AHNAK: variants seen among roughly 807,000 people sequenced by gnomAD.
AHNAK encodes the protein neuroblast differentiation-associated protein AHNAK.
AHNAK carries 23 observed loss-of-function variants against 37.8 expected under a neutral mutation model. The observed-to-expected ratio is 0.61, with a 90% CI of 0.44 to 0.86. AHNAK has a LOEUF of 0.86. Among genes scored for constraint, AHNAK ranks in the 40% least tolerant of loss-of-function variants. The probability of loss-of-function intolerance (pLI) is 0.00; values close to 1 mark genes in which losing one functional copy is unlikely to be tolerated. For synonymous variants in AHNAK, 2,481 were observed against 2,636.3 expected (o/e 0.94, Z 1.80); for missense variants, 7,411 against 7,319.4 (o/e 1.01, Z -0.46).
At chr11:62,451,509 G>A (rs1050468256) in intron 5 of AHNAK, among the ~76,000 whole-genome samples, 1 of 151,964 alleles carries the variant, frequency 6.6e-6, no homozygotes, top group Non-Finnish European at 1.5e-5. Context: ...AGGCCAAGGC[G>A]GGCAGATAAC....
chr11:62,486,604 T>C (rs1015160482), intron 5 of AHNAK, among the ~76,000 whole-genome samples: 3 of 152,106 alleles, frequency 2.0e-5, no homozygotes, highest in Non-Finnish European at 4.4e-5. Context: ...TAGTGTTGAA[T>C]GGCTACAGCG....
chr11:62,525,804 G>C lies in AHNAK; in HGVS notation c.8613C>G (p.Leu2871=), dbSNP rs753986334. The C allele has an allele frequency of 6.2e-7, 1 of 1,613,786 alleles. No homozygotes were observed. The highest frequency in any genetic ancestry group is 8.5e-7 in the Non-Finnish European group (1 of 1,180,002). The part of the protein sequence containing the change: ...EGDLKGPEVD[L]KGPKVDIDVP... ...CATCAATGTCCACTTTGGGGCCTTT[G>C]AGGTCAACTTCAGGACCTTTCAGAT... The change falls in exon 5 of 5, where the codon CTC becomes CTG. Residue 2871 remains leucine (L), a synonymous_variant. Coordinates refer to ENST00000378024, the MANE Select transcript of AHNAK (RefSeq NM_001620.3).
chr11:62,442,205 G>A (rs1011717451), intron 5 of AHNAK, among the ~76,000 whole-genome samples: 1 of 152,202 alleles, frequency 6.6e-6, no homozygotes, highest in African/African-American at 2.4e-5. Context: ...ATTTACAGTA[G>A]TGACATAAAT....
At chr11:62,500,493 G>A (rs770979919) in intron 4 of AHNAK, among the ~76,000 whole-genome samples, 2 of 152,156 alleles carry the variant, frequency 1.3e-5, no homozygotes, top group Non-Finnish European at 2.9e-5. Flanking sequence ...TCAGAGTCAG[G>A]TTTGAACCTG....
At chr11:62,464,148 CT>C in intron 5 of AHNAK, among the ~76,000 whole-genome samples, 2 of 151,972 alleles carry the variant, frequency 1.3e-5, no homozygotes, top group Middle Eastern at 6.8e-3. Context: ...TCTCCTCAGC[CT>C]CCCAAGTAGC....
In AHNAK at chr11:62,519,060, T is replaced by C. The variant is rs138118907; in HGVS notation, c.15357A>G (p.Ala5119=). ...CTGGCAAAGAAAGTTCCAGATCAGG[T>C]GCCTGGAGTTCACCCTCCAGTTTGG... ...PSPKLEGELQ[A]PDLELSLPAI... is the part of the protein sequence containing the mutation. Residue 5119 remains alanine, a synonymous_variant, in exon 5 of 5, where the codon GCA becomes GCG. Coordinates refer to ENST00000378024, the MANE Select transcript of AHNAK (RefSeq NM_001620.3). The C allele has an allele frequency of 1.9e-6, 3 of 1,613,148 alleles. No individual in the cohort carries two copies. Among genetic ancestry groups the C allele is most frequent in the Non-Finnish European group, 2.5e-6 (3 of 1,179,448 alleles).
chr11:62,486,413 C>T (rs140063043), intron 5 of AHNAK, among the ~76,000 whole-genome samples: 145 of 152,056 alleles, frequency 9.5e-4, no homozygotes, highest in African/African-American at 2.9e-3. Context: ...GCGGACGTTG[C>T]GGTGAGCCAA....
In AHNAK at chr11:62,529,165, T is replaced by C; in HGVS notation, c.5252A>G (p.Asp1751Gly). The C allele has an allele frequency of 1.9e-6, 3 of 1,614,216 alleles. No homozygotes were observed. Among genetic ancestry groups the C allele is most frequent in the South Asian group, 2.2e-5 (2 of 91,082 alleles). The part of the protein sequence containing the change: ...IDVSGPSVDT[D>G]APDLDIEGPE... ...TCCCTCAATATCCAAATCAGGAGCATCAGTGTCCACACTGGGTCCAGACAC... is the reference window on the plus strand; with the variant it reads ...TCCCTCAATATCCAAATCAGGAGCACCAGTGTCCACACTGGGTCCAGACAC... The change falls in exon 5 of 5, where the codon GAT becomes GGT. Residue 1751 changes from aspartate (D) to glycine (G), a missense_variant. Asp to Gly is a moderately conservative substitution (Grantham distance 94). Coordinates refer to ENST00000378024, the MANE Select transcript of AHNAK (RefSeq NM_001620.3).
At chr11:62,486,365 T>C (rs1442956528) in intron 5 of AHNAK, among the ~76,000 whole-genome samples, 2 of 151,392 alleles carry the variant, frequency 1.3e-5, no homozygotes, top group Non-Finnish European at 1.5e-5. Flanking sequence ...CCCAGCTACT[T>C]GGGAGGCTGA....
chr11:62,527,354 C>T lies in AHNAK; in HGVS notation c.7063G>A (p.Ala2355Thr). 1 of 1,614,024 alleles carries T rather than the reference C, an allele frequency of 6.2e-7. No individual in the cohort carries two copies. Among genetic ancestry groups the T allele is most frequent in the Non-Finnish European group, 8.5e-7 (1 of 1,179,938 alleles). Residue 2355 changes from alanine to threonine, a missense_variant, in exon 5 of 5, where the codon GCT becomes ACT. Transcript: ENST00000378024. The part of the protein sequence containing the change: ...ELDVKGPKLD[A>T]DMPEVAVEGP... ...TCCACAGCTACTTCTGGCATGTCAGCATCTAATTTGGGACCTTTGACATCC... is the reference window on the plus strand; with the variant it reads ...TCCACAGCTACTTCTGGCATGTCAGTATCTAATTTGGGACCTTTGACATCC...
At chr11:62,513,242 A>G (rs1175667601), downstream of AHNAK, among the ~76,000 whole-genome samples, 1 of 152,156 alleles carries the variant, frequency 6.6e-6, no homozygotes, top group African/African-American at 2.4e-5. Context: ...TTCCTGCAAG[A>G]CTTTAGGGGA....
intron 5 of AHNAK, among the ~76,000 whole-genome samples, chr11:62,474,891 A>G (rs1015104816): frequency 4.6e-5 from 7 of 152,142 alleles, no homozygotes; most frequent in Admixed American, 3.3e-4. Context: ...AACATCTGGC[A>G]ACAGGTAGGG....
rs139300746 is a variant in AHNAK, at chr11:62,536,036, G to A, written c.63C>T (p.His21=). The change falls in exon 3 of 5, where the codon CAC becomes CAT. Residue 21 remains histidine, a synonymous_variant. Coordinates refer to ENST00000378024, the MANE Select transcript of AHNAK (RefSeq NM_001620.3). ...CGTCCCTCTGGGCGATGGTCAGCCC[G>A]TGGGAGCCACTACCCTGCCAGTTGG... ...LLPNWQGSGS[H]GLTIAQRDDG... is the part of the protein sequence containing the mutation. 9.4e-5 allele frequency: 151 copies of A among 1,611,838 alleles called. No homozygotes were observed. The African/African-American group carries it at 1.2e-3, about 13-fold the overall frequency.
intron 5 of AHNAK, among the ~76,000 whole-genome samples, chr11:62,435,396 C>CTTTA (rs1163983834): frequency 1.3e-5 from 2 of 150,460 alleles, no homozygotes; most frequent in Non-Finnish European, 3.0e-5. Flanking sequence ...AAAGTGAAAG[C>CTTTA]TTTATTTATT....
chr11:62,541,371 G>A (rs1472747269), intron 1 of AHNAK, among the ~76,000 whole-genome samples: 1 of 152,122 alleles, frequency 6.6e-6, no homozygotes, highest in African/African-American at 2.4e-5. Context: ...TAGGCCAATC[G>A]ACCCACCACA....
At chr11:62,470,805 CA>C (rs973292317) in intron 5 of AHNAK, among the ~76,000 whole-genome samples, 2 of 150,556 alleles carry the variant, frequency 1.3e-5, no homozygotes, top group African/African-American at 4.9e-5. Context: ...TTTTTTCTTT[CA>C]GGGAAAAAAA....
At chr11:62,488,296 T>C (rs973547999) in intron 5 of AHNAK, among the ~76,000 whole-genome samples, 3 of 152,194 alleles carry the variant, frequency 2.0e-5, no homozygotes, top group African/African-American at 7.2e-5. Context: ...AAGTGCTGCA[T>C]TTGGCAACAC....
chr11:62,469,452 T>C (rs1329450397), intron 5 of AHNAK, among the ~76,000 whole-genome samples: 1 of 150,706 alleles, frequency 6.6e-6, no homozygotes, highest in Non-Finnish European at 1.5e-5. Context: ...ACTAAACATG[T>C]TGTAATTTTT....
At chr11:62,446,859 C>T (rs1231248941) in intron 5 of AHNAK, among the ~76,000 whole-genome samples, 12 of 152,064 alleles carry the variant, frequency 7.9e-5, no homozygotes. Flanking sequence ...TTTGCTCAGC[C>T]TATAAACATC....
Sources: allele counts gnomAD v4.1 joint callset (sites outside exome capture counted in the v4.1 genomes callset), GRCh38; gene constraint gnomAD v4.1.1; transcripts MANE v1.5; gene names NCBI Gene and HGNC (gene_info 2026-07-23, HGNC 2026-07-21).